SASH1: variants seen among roughly 807,000 people sequenced by gnomAD.
The protein encoded by SASH1 is SAM and SH3 domain containing 1.
SASH1 carries 44 observed loss-of-function variants against 125.2 expected under a neutral mutation model. That is an observed-to-expected ratio of 0.35 (90% CI 0.28 to 0.45). The LOEUF (loss-of-function observed/expected upper bound fraction) is 0.45. Ranked by LOEUF, SASH1 falls within the 20% of genes least tolerant of loss-of-function variation. The pLI is 1.00. For synonymous variants in SASH1, 639 were observed against 649.1 expected (o/e 0.98, Z 0.24); for missense variants, 1,426 against 1,614.5 (o/e 0.88, Z 2.00).
rs1782885711 is a variant in SASH1, at chr6:148,551,731, CTG to C, written c.*3175_*3176del. 1 of 152,584 alleles carries C rather than the reference CTG, an allele frequency of 6.6e-6. No homozygotes were observed. The allele number at this position is 152,584 out of a possible 1,614,324, so 9.5% of individuals were successfully genotyped here. A position where few individuals can be genotyped will look rare whatever the true frequency, so the allele number is the denominator to read the frequency against. ...ATTTAAAATTGATAGAGAAAAGAAA[CTG>C]TCGAGCAAGTTATATAACAACTAAC... On this transcript the variant is annotated 3_prime_UTR_variant, in exon 20 of 20. Coordinates refer to ENST00000367467, the MANE Select transcript of SASH1 (RefSeq NM_015278.5).
At chr6:148,393,699 G>T (rs974956729) in intron 2 of SASH1, 3 of 985,006 alleles carry the variant, frequency 3.0e-6, no homozygotes, top group Non-Finnish European at 3.6e-6. Context: ...TTCCAAAACC[G>T]CAGAAGACAG....
chr6:148,548,192 T>C, intron 19 of SASH1, 103 bp from the exon 20 acceptor site: 4 of 1,027,752 alleles, frequency 3.9e-6, no homozygotes, highest in Non-Finnish European at 1.4e-6. Flanking sequence ...CTGATAATAG[T>C]CTAGCAATGC....
intron 16 of SASH1, 38 bp from the exon 17 acceptor site, chr6:148,540,405 C>T (rs1033780313): frequency 6.5e-7 from 1 of 1,532,904 alleles, no homozygotes; most frequent in Admixed American, 1.7e-5. Flanking sequence ...CTGCTTTTCA[C>T]TCACCTTGTT....
chr6:148,433,425 G>C (rs914161488), intron 2 of SASH1, among the ~76,000 whole-genome samples: 3 of 51,510 alleles, frequency 5.8e-5, no homozygotes, highest in Non-Finnish European at 1.2e-4. Context: ...TTTTTTTTTT[G>C]AGACGGAGTC....
chr6:148,315,426 TTGTC>T (rs1780455043), intron 1 of SASH1, among the ~76,000 whole-genome samples: 1 of 152,204 alleles, frequency 6.6e-6, no homozygotes, highest in South Asian at 2.1e-4. Flanking sequence ...GAGTTGAAGT[TTGTC>T]TGAAGCCAAA....
chr6:148,259,415 CA>C, the SASH1 span, among the ~76,000 whole-genome samples: 2 of 152,100 alleles, frequency 1.3e-5, no homozygotes, highest in Admixed American at 6.6e-5. Context: ...TGAATTTTTT[CA>C]AAGCAAGGGC....
chr6:148,231,476 T>A, the SASH1 span, among the ~76,000 whole-genome samples: 2 of 152,212 alleles, frequency 1.3e-5, no homozygotes, highest in Admixed American at 6.5e-5. Flanking sequence ...TGTATTTTCA[T>A]GATCAGCTTA....
At chr6:148,303,943 C>G (rs983294015) in intron 1 of SASH1, among the ~76,000 whole-genome samples, 2 of 152,178 alleles carry the variant, frequency 1.3e-5, no homozygotes, top group Middle Eastern at 6.8e-3. Flanking sequence ...GCAGCTAAAA[C>G]AATGCTCAGA....
chr6:148,435,973 T>C (rs1309466350), intron 2 of SASH1, among the ~76,000 whole-genome samples: 1 of 152,228 alleles, frequency 6.6e-6, no homozygotes, highest in Non-Finnish European at 1.5e-5. Flanking sequence ...AGCCACGAGA[T>C]AATCCTTCCA....
intron 8 of SASH1, among the ~76,000 whole-genome samples, chr6:148,505,906 G>A (rs553926891): frequency 6.6e-6 from 1 of 152,070 alleles, no homozygotes; most frequent in Non-Finnish European, 1.5e-5. Flanking sequence ...AAAGTGCTGG[G>A]ATTACAGGTG....
intron 7 of SASH1, among the ~76,000 whole-genome samples, chr6:148,474,529 T>C (rs1778256260): frequency 6.6e-6 from 1 of 152,176 alleles, no homozygotes; most frequent in South Asian, 2.1e-4. Context: ...AAAAGATCAA[T>C]TATTAAATAA....
At chr6:148,307,040 CTTTCTTT>C (rs1780151014) in intron 1 of SASH1, among the ~76,000 whole-genome samples, 1 of 93,590 alleles carries the variant, frequency 1.1e-5, no homozygotes, top group Non-Finnish European at 2.2e-5. Context: ...TTCTTTCTTT[CTTTCTTT>C]CTTTCTTTCT....
intron 2 of SASH1, among the ~76,000 whole-genome samples, chr6:148,428,283 T>A (rs1412863518): frequency 6.6e-6 from 1 of 152,224 alleles, no homozygotes; most frequent in African/African-American, 2.4e-5. Context: ...TCTTAAGTCA[T>A]TTTCTGGAAC....
In SASH1 at chr6:148,303,109, T is replaced by C. The variant is rs1780017642; in HGVS notation, n.74+30732T>C. Among the ~76,000 whole-genome samples, 4 of 152,074 alleles carry C rather than the reference T, an allele frequency of 2.6e-5. 1 individual carries two copies. In the South Asian group the frequency reaches 8.3e-4, roughly 32 times the overall value. ...GATTCTCCTGCCTCAGCCTCCTGAATAGCTGGGATTACAGGCACACACCAC... is the reference window on the plus strand; with the variant it reads ...GATTCTCCTGCCTCAGCCTCCTGAACAGCTGGGATTACAGGCACACACCAC... On this transcript the variant is annotated intron_variant and non_coding_transcript_variant, in intron 1 of 3. Transcript: ENST00000367469.
At chr6:148,414,363 C>T (rs183377438) in intron 2 of SASH1, among the ~76,000 whole-genome samples, 11 of 151,824 alleles carry the variant, frequency 7.2e-5, no homozygotes, top group East Asian at 2.0e-4. Context: ...AGGATGAGGG[C>T]GAGGGTGAAT....
intron 4 of SASH1, among the ~76,000 whole-genome samples, chr6:148,456,859 A>G (rs1304810691): frequency 6.8e-6 from 1 of 147,284 alleles, no homozygotes; most frequent in East Asian, 2.0e-4. Context: ...AGTGAGACCC[A>G]GAGTGTCTCA....
the SASH1 span, among the ~76,000 whole-genome samples, chr6:148,240,348 T>A: frequency 6.6e-6 from 1 of 152,214 alleles, no homozygotes; most frequent in African/African-American, 2.4e-5. Flanking sequence ...TTTCATGGAA[T>A]AATTGCTAAT....
In SASH1 at chr6:148,535,561, G is replaced by A. The variant is rs77460021; in HGVS notation, c.2095+660G>A. ...GTGAATATGTAGAGCAGAGAATTCC[G>A]TATCGATTGGCTTGCAAATTCCCAA... On this transcript the variant is annotated intron_variant, in intron 16 of 19. Coordinates refer to ENST00000367467, the MANE Select transcript of SASH1 (RefSeq NM_015278.5). 5.7e-3 allele frequency among the ~76,000 whole-genome samples: 865 copies of A among 152,324 alleles called. 6 individuals carry two copies. Among genetic ancestry groups the A allele is most frequent in the African/African-American group, 0.02 (821 of 41,566 alleles).
intron 8 of SASH1, among the ~76,000 whole-genome samples, chr6:148,508,140 C>G (rs1779908654): frequency 6.6e-6 from 1 of 151,854 alleles, no homozygotes; most frequent in Admixed American, 6.6e-5. Flanking sequence ...TTTAGAAGCA[C>G]CAATGAAGGG....
Sources: allele counts gnomAD v4.1 joint callset (sites outside exome capture counted in the v4.1 genomes callset), GRCh38; gene constraint gnomAD v4.1.1; transcripts MANE v1.5; gene names NCBI Gene and HGNC (gene_info 2026-07-23, HGNC 2026-07-21).